ZNF276: variants seen among roughly 807,000 people sequenced by gnomAD.
ZNF276 encodes the protein centromere protein Z.
A neutral mutation model predicts 63.9 loss-of-function variants in ZNF276; 59 were observed. The ratio of observed to expected loss-of-function variants is 0.92; its 90% confidence interval spans 0.75 to 1.15. The LOEUF (loss-of-function observed/expected upper bound fraction) is 1.15, where lower values mean the gene tolerates loss of function less well. Among genes scored for constraint, ZNF276 ranks in the 50% most tolerant of loss-of-function variants. The pLI is 0.00. For missense variants in ZNF276, 1,084 were observed against 843.8 expected, an observed-to-expected ratio of 1.28 and a Z score of -3.53; for synonymous variants, 496 against 348.4, an observed-to-expected ratio of 1.42 and a Z score of -4.72.
intron 4 of ZNF276, among the ~76,000 whole-genome samples, chr16:89,726,078 C>G (rs997763750): frequency 2.0e-5 from 3 of 152,348 alleles, no homozygotes; most frequent in African/African-American, 4.8e-5. Context: ...TGCAGTGGCA[C>G]AATCTCGGCT....
Position 89,738,529 on chromosome 16 carries a change from C to T in ZNF276, c.*283C>T, listed in dbSNP as rs1215123045. ...ATTTGTAATCCACTTTTTAGTGCAA[C>T]AAGAGCTCCATGTTATGCTTGTAAT... On this transcript the variant is annotated 3_prime_UTR_variant, in exon 11 of 11. Coordinates refer to ENST00000443381, the MANE Select transcript of ZNF276 (RefSeq NM_001113525.2). The T allele has an allele frequency of 6.2e-7, 1 of 1,605,360 alleles. No individual in the cohort carries two copies. Among genetic ancestry groups the T allele is most frequent in the Non-Finnish European group, 8.5e-7 (1 of 1,174,526 alleles).
At chr16:89,726,055 G>A (rs1258934793) in intron 4 of ZNF276, among the ~76,000 whole-genome samples, 3 of 152,168 alleles carry the variant, frequency 2.0e-5, no homozygotes, top group Non-Finnish European at 2.9e-5. Flanking sequence ...TCACTCTGTC[G>A]CCCAGGCTCG....
intron 6 of ZNF276, chr16:89,732,829 GCT>G (rs1398629024): frequency 1.0e-5 from 2 of 193,518 alleles, no homozygotes; most frequent in African/African-American, 6.2e-5. Context: ...ACCTGACCCT[GCT>G]GTGTCCTGCG....
In ZNF276 at chr16:89,723,462, G is replaced by C. The variant is rs576887088; in HGVS notation, c.759G>C (p.Leu253=). 1.9e-6 allele frequency: 3 copies of C among 1,613,020 alleles called. No homozygotes were observed. In the South Asian group the frequency reaches 3.3e-5, roughly 18 times the overall value. Residue 253 remains leucine, a synonymous_variant, in exon 4 of 11, where the codon CTG becomes CTC. Transcript: ENST00000443381. ...GCTCCAGCTGCAAGGCCTTCTTGCT[G>C]GACAGTGCGCTGGCAGTCAAGTGGC... is the stretch of plus-strand genomic sequence containing the variant. ...DTSSSCKAFL[L]DSALAVKWPW... is the part of the protein sequence containing the mutation.
At position 89,740,405 on chromosome 16, in the gene ZNF276, C is replaced by T. The variant is rs55927037; in HGVS notation, c.*2159C>T. 1.4e-3 allele frequency: 648 copies of T among 471,072 alleles called. 1 individual carries two copies. Among genetic ancestry groups the T allele is most frequent in the African/African-American group, 9.5e-3 (488 of 51,482 alleles). 29.2% of individuals were successfully genotyped at this position (471,072 alleles called of 1,614,324 possible). On this transcript the variant is annotated 3_prime_UTR_variant, in exon 11 of 11. Transcript: ENST00000443381. ...CTGTAATCCCAACACTTTGGGAGGC[C>T]GAGGTCGGCGGATCACTGAGGCCAG...
In ZNF276 at chr16:89,723,340, C is replaced by T. The variant is rs778388118; in HGVS notation, c.637C>T (p.Leu213=). The change falls in exon 4 of 11, where the codon CTG becomes TTG. Residue 213 remains leucine (L), a synonymous_variant. Transcript: ENST00000443381. The stretch of plus-strand genomic sequence containing the variant: ...TGGACATGCGGCCAGCTGCGGGGCC[C>T]TGCCCCACCTTCAGAGGACACTGTC... The part of the protein sequence containing the change: ...VHGHAASCGA[L]PHLQRTLSSE... 1.1e-5 allele frequency: 18 copies of T among 1,612,920 alleles called. No individual in the cohort carries two copies. In the Admixed American group the frequency reaches 2.2e-4, roughly 19 times the overall value.
intron 6 of ZNF276, among the ~76,000 whole-genome samples, chr16:89,730,455 C>A (rs1278991731): frequency 1.3e-5 from 2 of 152,102 alleles, no homozygotes; most frequent in Admixed American, 6.6e-5. Context: ...ATGGGAGGAG[C>A]CAGGCGAGCC....
chr16:89,740,352 C>G lies in ZNF276; in HGVS notation c.*2106C>G. ...CTCAAATAAGACATTAAAAGAAAGG[C>G]CCACAGGCCGGATGCAGTGGCTCAT... On this transcript the variant is annotated 3_prime_UTR_variant, in exon 11 of 11. Coordinates refer to ENST00000443381, the MANE Select transcript of ZNF276 (RefSeq NM_001113525.2). 1 of 538,426 alleles carries G rather than the reference C, an allele frequency of 1.9e-6. No homozygotes were observed. Among genetic ancestry groups the G allele is most frequent in the East Asian group, 3.2e-5 (1 of 31,150 alleles). The allele number at this position is 538,426 out of a possible 1,614,324, so 33.4% of individuals were successfully genotyped here.
chr16:89,735,866 C>T (rs8061211), intron 9 of ZNF276, among the ~76,000 whole-genome samples: 1 of 150,488 alleles, frequency 6.6e-6, no homozygotes, highest in African/African-American at 2.4e-5. Flanking sequence ...AGGCATCTGC[C>T]ACCACGCCGG....
chr16:89,721,894 C>T (rs1054869030), intron 1 of ZNF276, 49 bp downstream of exon 1: 339 of 1,158,114 alleles, frequency 2.9e-4, no homozygotes, highest in Admixed American at 4.9e-4. Context: ...GCAGGGGTTG[C>T]TCGTGGGAGG....
rs1280014957 is a variant in ZNF276, at chr16:89,721,752, G to T, written c.112G>T (p.Gly38Cys). ...SRTRGRPSLS[G>C]GPRVDGATAR... Reference sequence around the variant, plus strand: ...GACTCGGGGCCGCCCTTCCCTTAGCGGTGGGCCGAGGGTGGACGGGGCGAC... The same window carrying T: ...GACTCGGGGCCGCCCTTCCCTTAGCTGTGGGCCGAGGGTGGACGGGGCGAC... Residue 38 changes from glycine (G) to cysteine (C), a missense_variant, in exon 1 of 11, where the codon GGT (glycine) becomes TGT (cysteine). Coordinates refer to ENST00000443381, the MANE Select transcript of ZNF276 (RefSeq NM_001113525.2). 2 of 1,309,896 alleles carry T rather than the reference G, an allele frequency of 1.5e-6. No homozygotes were observed. The highest frequency in any genetic ancestry group is 2.1e-5 in the South Asian group (1 of 47,908). The allele number at this position is 1,309,896 out of a possible 1,614,324, so 81.1% of individuals were successfully genotyped here.
chr16:89,736,627 G>C (rs2061907204), intron 9 of ZNF276, among the ~76,000 whole-genome samples: 1 of 151,390 alleles, frequency 6.6e-6, no homozygotes, highest in Admixed American at 6.6e-5. Flanking sequence ...CACTGCACCG[G>C]CCCCCCAAAT....
intron 6 of ZNF276, 186 bp from the exon 7 acceptor site, chr16:89,733,116 C>T (rs1436438232): frequency 1.6e-5 from 10 of 625,022 alleles, no homozygotes; most frequent in Non-Finnish European, 2.6e-5. Context: ...CTGCTGTGCT[C>T]GCCCCTGAGG....
rs756796618 is a variant in ZNF276, at chr16:89,722,788, C to A, written c.463C>A (p.Gln155Lys). The A allele has an allele frequency of 6.2e-7, 1 of 1,608,220 alleles. No homozygotes were observed. Among genetic ancestry groups the A allele is most frequent in the Non-Finnish European group, 8.5e-7 (1 of 1,179,994 alleles). ...QCHSLLKSFL[Q>K]RVNASPAGRR... ...CCACAGCCTTCTCAAGTCCTTCCTG[C>A]AGAGGGTCAACGCCTCCCCGGCTGG... The change falls in exon 2 of 11, where the codon CAG becomes AAG. Residue 155 changes from glutamine (Q) to lysine (K), a missense_variant. Transcript: ENST00000443381.
rs74033849 is a variant in ZNF276 at position 89,739,673 on chromosome 16, G to A, written c.*1427G>A. The A allele has an allele frequency of 1.0e-3, 1,539 of 1,512,274 alleles. 13 individuals carry two copies. In the African/African-American group the frequency reaches 0.02, roughly 19 times the overall value. 93.7% of individuals were successfully genotyped at this position (1,512,274 alleles called of 1,614,324 possible). On this transcript the variant is annotated 3_prime_UTR_variant, in exon 11 of 11. Transcript: ENST00000443381. ...AGGCCTGGCTGTGGGGATAGTGTGG[G>A]GCGAACAGCCTGAGCTGAGGATACC... is the stretch of plus-strand genomic sequence containing the variant.
rs775820828 is a variant in ZNF276 at position 89,738,092 on chromosome 16, AG to A, written c.1692del (p.Lys565ArgfsTer15). ...TGTGACCAGTGTGGCCGGCGGTTTGAGAAGGCCCACAACCTCAATGTACACA... is the reference window on the plus strand; with the variant it reads ...TGTGACCAGTGTGGCCGGCGGTTTGAAAGGCCCACAACCTCAATGTACACA... Reference protein sequence around the residue: ...FACDQCGRRFEKAHNLNVHMS... With the variant: ...FACDQCGRRFXKAHNLNVHMS... On this transcript the variant is annotated frameshift_variant, in exon 11 of 11. Transcript: ENST00000443381. LOFTEE classifies it low-confidence loss of function (END_TRUNC). 6 of 1,614,040 alleles carry A rather than the reference AG, an allele frequency of 3.7e-6. No individual in the cohort carries two copies. The highest frequency in any genetic ancestry group is 8.5e-7 in the Non-Finnish European group (1 of 1,180,036).
At chr16:89,725,750 C>G (rs2061448755) in intron 4 of ZNF276, among the ~76,000 whole-genome samples, 1 of 151,992 alleles carries the variant, frequency 6.6e-6, no homozygotes, top group African/African-American at 2.4e-5. Flanking sequence ...GAGATTCTAC[C>G]ACTACGCTCT....
rs1219402916 is a variant in ZNF276 at position 89,740,868 on chromosome 16, T to C, written c.*2622T>C. On this transcript the variant is annotated 3_prime_UTR_variant, in exon 11 of 11. Coordinates refer to ENST00000443381, the MANE Select transcript of ZNF276 (RefSeq NM_001113525.2). ...GAAGAAGAAAAGGAAAACCAATAGC[T>C]GTAAATAAAAACGTGCACTTATTAT... 6.2e-7 allele frequency: 1 copy of C among 1,611,726 alleles called. No homozygotes were observed. The highest frequency in any genetic ancestry group is 8.5e-7 in the Non-Finnish European group (1 of 1,178,614).
At chr16:89,735,669 G>A (rs1274457193) in intron 9 of ZNF276, among the ~76,000 whole-genome samples, 3 of 151,854 alleles carry the variant, frequency 2.0e-5, no homozygotes, top group Admixed American at 6.6e-5. Context: ...CCAGGATTTT[G>A]ACACCAGCCT....
Sources: gnomAD v4.1 joint callset for allele counts (sites outside exome capture counted in the v4.1 genomes callset) on GRCh38, gnomAD v4.1.1 for gene constraint, MANE v1.5 for transcripts, NCBI Gene and HGNC (gene_info 2026-07-23, HGNC 2026-07-21) for gene names.